Variants in FBXO25 observed in about 807,000 individuals in gnomAD.
FBXO25 encodes F-box protein 25.
Under a neutral mutation model 51.9 loss-of-function variants are expected in FBXO25, and 45 were observed. The observed-to-expected ratio is 0.87, with a 90% CI of 0.68 to 1.11. The LOEUF (loss-of-function observed/expected upper bound fraction) is 1.11, where lower values mean the gene tolerates loss of function less well. Among genes scored for constraint, FBXO25 ranks in the 50% most tolerant of loss-of-function variants. FBXO25 has a pLI of 0.00. For missense variants in FBXO25, 507 were observed against 428.5 expected, an observed-to-expected ratio of 1.18 and a Z score of -1.62; for synonymous variants, 199 against 151.0, an observed-to-expected ratio of 1.32 and a Z score of -2.33.
At chr8:439,600 A>G (rs897714158) in intron 5 of FBXO25, among the ~76,000 whole-genome samples, 2 of 152,056 alleles carry the variant, frequency 1.3e-5, no homozygotes, top group Non-Finnish European at 2.9e-5. Context: ...TTATGTTTTC[A>G]TTTGCTTTAG....
chr8:452,647 G>A (rs1429121604), intron 7 of FBXO25, among the ~76,000 whole-genome samples: 5 of 152,182 alleles, frequency 3.3e-5, no homozygotes, highest in South Asian at 2.1e-4. Context: ...CAAGGAAGGG[G>A]GTGTTTGGGA....
At chr8:429,027 TCTG>T in intron 2 of FBXO25, among the ~76,000 whole-genome samples, 1 of 152,334 alleles carries the variant, frequency 6.6e-6, no homozygotes, top group East Asian at 1.9e-4. Flanking sequence ...TCTTTCATTC[TCTG>T]CTTTCAGTTC....
intron 5 of FBXO25, among the ~76,000 whole-genome samples, chr8:445,749 T>C (rs933798854): frequency 2.6e-5 from 4 of 152,148 alleles, no homozygotes; most frequent in African/African-American, 7.2e-5. Context: ...CATGCACCTA[T>C]AATGCCAGCT....
At position 470,266 on chromosome 8, in the gene FBXO25, T is replaced by G. The variant is rs1475008131; in HGVS notation, c.*1462T>G. ...GTCACACAACAATGTGGCCGTCTCC[T>G]TACAACCACTGGTAGTACAGCCAAC... is the stretch of plus-strand genomic sequence containing the variant. On this transcript the variant is annotated 3_prime_UTR_variant, in exon 10 of 10. Transcript: ENST00000350302. 1.3e-5 allele frequency: 2 copies of G among 152,180 alleles called. No individual in the cohort carries two copies. The highest frequency in any genetic ancestry group is 2.9e-5 in the Non-Finnish European group (2 of 68,036). 9.4% of individuals were successfully genotyped at this position (152,180 alleles called of 1,614,324 possible).
At chr8:428,294 A>G (rs559924434) in intron 2 of FBXO25, among the ~76,000 whole-genome samples, 272 of 152,132 alleles carry the variant, frequency 1.8e-3, no homozygotes, top group African/African-American at 6.3e-3. Context: ...CTGGGTGTGG[A>G]GAGTTAAGGG....
chr8:449,920 A>G (rs1323118047), intron 5 of FBXO25, 70 bp from the exon 6 acceptor site: 1 of 1,035,482 alleles, frequency 9.7e-7, no homozygotes, highest in Non-Finnish European at 1.5e-6. Context: ...CATGTGTGTT[A>G]TATCACTGTG....
At chr8:421,805 A>G (rs1165399913) in intron 2 of FBXO25, among the ~76,000 whole-genome samples, 4 of 152,260 alleles carry the variant, frequency 2.6e-5, no homozygotes, top group African/African-American at 9.6e-5. Flanking sequence ...AAGGTGAGTG[A>G]TGGGAGCCTG....
chr8:439,260 G>A (rs1248665821), intron 5 of FBXO25, among the ~76,000 whole-genome samples: 1 of 152,232 alleles, frequency 6.6e-6, no homozygotes, highest in African/African-American at 2.4e-5. Flanking sequence ...CTGGCAGCCA[G>A]GAGGTGGCTT....
intron 2 of FBXO25, among the ~76,000 whole-genome samples, chr8:418,555 G>C (rs569553925): frequency 1.1e-4 from 17 of 151,964 alleles, no homozygotes; most frequent in African/African-American, 4.1e-4. Context: ...GACCAGAATG[G>C]TCTTGATCTC....
chr8:443,011 A>G (rs1025298778), intron 5 of FBXO25, among the ~76,000 whole-genome samples: 1 of 152,156 alleles, frequency 6.6e-6, no homozygotes, highest in Non-Finnish European at 1.5e-5. Context: ...TTGTTAAAGA[A>G]GGTCCAAGAA....
At chr8:409,034 A>T (rs11780293) in intron 1 of FBXO25, among the ~76,000 whole-genome samples, 4,418 of 152,266 alleles carry the variant, frequency 0.029, 74 homozygotes, top group Admixed American at 0.048. Flanking sequence ...ATACATTCCC[A>T]TTGAAAGCCG....
chr8:407,671 G>T (rs1287347147), intron 1 of FBXO25, among the ~76,000 whole-genome samples: 5 of 152,092 alleles, frequency 3.3e-5, no homozygotes, highest in Admixed American at 2.6e-4. Flanking sequence ...TTGCCTCTTC[G>T]CCGGTGGGCA....
Position 475,931 on chromosome 8 carries a change from G to T in FBXO25, c.*7127G>T, listed in dbSNP as rs1295578506. On this transcript the variant is annotated 3_prime_UTR_variant, in exon 10 of 10. Transcript: ENST00000350302. ...TAAGACTCCAGTACTGTGTTAAACA[G>T]AAGTGGTGAGACAGGGTATTTCTGT... The T allele has an allele frequency of 6.6e-6, 1 of 152,136 alleles. No homozygotes were observed. Among genetic ancestry groups the T allele is most frequent in the African/African-American group, 2.4e-5 (1 of 41,446 alleles). The allele number at this position is 152,136 out of a possible 1,614,324, so 9.4% of individuals were successfully genotyped here.
At chr8:462,571 A>G (rs1052375789) in intron 8 of FBXO25, among the ~76,000 whole-genome samples, 69 of 152,336 alleles carry the variant, frequency 4.5e-4, no homozygotes, top group African/African-American at 1.5e-3. Context: ...TAATTGTTTT[A>G]TGTACTACAC....
intron 5 of FBXO25, among the ~76,000 whole-genome samples, chr8:442,810 C>T (rs959285961): frequency 6.6e-6 from 1 of 152,164 alleles, no homozygotes; most frequent in Admixed American, 6.5e-5. Flanking sequence ...AAGATATCTT[C>T]TAATTTCCTA....
chr8:414,546 C>T (rs1233931239), intron 2 of FBXO25, among the ~76,000 whole-genome samples: 1 of 151,998 alleles, frequency 6.6e-6, no homozygotes, highest in Non-Finnish European at 1.5e-5. Context: ...TGTTTTTTTC[C>T]CTCATGTATT....
At chr8:423,334 A>G (rs949664766) in intron 2 of FBXO25, among the ~76,000 whole-genome samples, 1 of 152,208 alleles carries the variant, frequency 6.6e-6, no homozygotes, top group Non-Finnish European at 1.5e-5. Flanking sequence ...CAGGGGGTCC[A>G]TGTACAGATT....
intron 8 of FBXO25, 138 bp downstream of exon 8, chr8:458,689 T>C: frequency 1.3e-6 from 1 of 786,848 alleles, no homozygotes; most frequent in African/African-American, 1.7e-5. Flanking sequence ...AATCAGAGTT[T>C]ATTGAGATTG....
chr8:468,483 C>G (rs530166587), intron 9 of FBXO25, among the ~76,000 whole-genome samples: 10 of 152,234 alleles, frequency 6.6e-5, no homozygotes, highest in African/African-American at 2.4e-4. Context: ...GAGGGCAGAC[C>G]TGGGGCCACC....
Sources: gnomAD v4.1 joint callset for allele counts (sites outside exome capture counted in the v4.1 genomes callset) on GRCh38, gnomAD v4.1.1 for gene constraint, MANE v1.5 for transcripts, NCBI Gene and HGNC (gene_info 2026-07-23, HGNC 2026-07-21) for gene names.